The following ITFG1 variants were observed in gnomAD, a reference collection of about 807,000 sequenced individuals.
ITFG1 encodes the protein integrin alpha FG-GAP repeat containing 1.
ITFG1 carries 34 observed loss-of-function variants against 81.8 expected under a neutral mutation model. That is an observed-to-expected ratio of 0.42 (90% CI 0.32 to 0.55). The LOEUF is 0.55. Ranked by LOEUF, ITFG1 falls within the 20% of genes least tolerant of loss-of-function variation. The pLI, the probability that ITFG1 is intolerant of heterozygous loss-of-function variation, is 0.17. For synonymous variants in ITFG1, 285 were observed against 270.6 expected (o/e 1.05, Z -0.52); for missense variants, 672 against 755.4 (o/e 0.89, Z 1.29).
At chr16:47,358,946 C>T (rs975551846) in intron 8 of ITFG1, among the ~76,000 whole-genome samples, 3 of 151,948 alleles carry the variant, frequency 2.0e-5, no homozygotes, top group Non-Finnish European at 4.4e-5. Context: ...GAAAGCAGGG[C>T]GGAAGTGCTG....
intron 6 of ITFG1, among the ~76,000 whole-genome samples, chr16:47,390,704 C>T (rs1968519311): frequency 6.6e-6 from 1 of 152,108 alleles, no homozygotes; most frequent in African/African-American, 2.4e-5. Context: ...AGGTGATCCG[C>T]CCACCTCGGC....
chr16:47,359,208 A>G lies in ITFG1; in HGVS notation c.802+6580T>C, dbSNP rs181937155. 9.8e-5 allele frequency among the ~76,000 whole-genome samples: 15 copies of G among 152,316 alleles called. No homozygotes were observed. In the East Asian group the frequency reaches 2.5e-3, roughly 25 times the overall value. On this transcript the variant is annotated intron_variant, in intron 8 of 17. Transcript: ENST00000320640. ...ACATGCGCTCCTTCATTTATCCATT[A>G]TCTGTCTTCTAAATGGCAGTTAAAC...
At chr16:47,167,100 T>TC (rs756508867) in intron 14 of ITFG1, among the ~76,000 whole-genome samples, 6 of 152,186 alleles carry the variant, frequency 3.9e-5, no homozygotes, top group Admixed American at 1.3e-4. Flanking sequence ...CACCCTGTAC[T>TC]CCCCCAGTAA....
At chr16:47,365,553 T>G (rs1212504980) in intron 8 of ITFG1, 1 of 407,642 alleles carries the variant, frequency 2.5e-6, no homozygotes, top group Non-Finnish European at 4.4e-6. Flanking sequence ...TGCATATTAC[T>G]TCTGCAAACA....
intron 5 of ITFG1, among the ~76,000 whole-genome samples, chr16:47,443,433 A>G (rs1178730304): frequency 6.6e-6 from 1 of 152,212 alleles, no homozygotes; most frequent in Non-Finnish European, 1.5e-5. Context: ...ATGCTGCTAT[A>G]AAGATACATG....
chr16:47,257,084 A>C (rs561097975), intron 12 of ITFG1, among the ~76,000 whole-genome samples: 1 of 152,258 alleles, frequency 6.6e-6, no homozygotes, highest in Admixed American at 6.5e-5. Context: ...TTTCCCCTTA[A>C]CACTGGAAAC....
chr16:47,376,005 G>C, intron 6 of ITFG1, 65 bp from the exon 7 acceptor site: 1 of 807,706 alleles, frequency 1.2e-6, no homozygotes, highest in East Asian at 2.8e-5. Context: ...TTTAAAAACA[G>C]AAAAAAAATG....
At chr16:47,358,612 A>G (rs528451862) in intron 8 of ITFG1, among the ~76,000 whole-genome samples, 1 of 152,364 alleles carries the variant, frequency 6.6e-6, no homozygotes, top group South Asian at 2.1e-4. Context: ...TCTTTATCAT[A>G]TGAATGAATC....
chr16:47,393,366 G>A (rs781464800), intron 6 of ITFG1, among the ~76,000 whole-genome samples: 1 of 152,114 alleles, frequency 6.6e-6, no homozygotes, highest in African/African-American at 2.4e-5. Flanking sequence ...ACTATCCAAG[G>A]GGCTATACTG....
chr16:47,327,153 C>T (rs942081312), intron 8 of ITFG1, among the ~76,000 whole-genome samples: 2 of 152,008 alleles, frequency 1.3e-5, no homozygotes, highest in Non-Finnish European at 2.9e-5. Context: ...CAGAACAGAG[C>T]CCTCAGAAAT....
Position 47,258,725 on chromosome 16 carries a change from C to T in ITFG1, c.1237G>A (p.Val413Ile), listed in dbSNP as rs1280165727. ...TTTGTATATCCTTTACTTAGCACTA[C>T]AATGTCCAAGATTCCCTGGAAAAAA... is the stretch of plus-strand genomic sequence containing the variant. The part of the protein sequence containing the change: ...DIYEDGILDI[V>I]VLSKGYTKND... The change falls in exon 12 of 18, where the codon GTA becomes ATA. Residue 413 changes from valine to isoleucine, a missense_variant. This residue lies in a region of ITFG1 where 560 missense variants were observed against 625.7 expected (regional missense o/e 0.90). Coordinates refer to ENST00000320640, the MANE Select transcript of ITFG1 (RefSeq NM_030790.5). The T allele has an allele frequency of 6.6e-7, 1 of 1,504,108 alleles. No individual in the cohort carries two copies. The highest frequency in any genetic ancestry group is 1.3e-5 in the South Asian group (1 of 79,458). The allele number at this position is 1,504,108 out of a possible 1,614,324, so 93.2% of individuals were successfully genotyped here. A position where few individuals can be genotyped will look rare whatever the true frequency, so the allele number is the denominator to read the frequency against.
chr16:47,234,755 G>A (rs529020406), intron 13 of ITFG1, among the ~76,000 whole-genome samples: 3 of 152,222 alleles, frequency 2.0e-5, no homozygotes, highest in Admixed American at 1.3e-4. Context: ...CATGAATTAG[G>A]GTGATATGGT....
chr16:47,368,352 G>C (rs958088617), intron 7 of ITFG1, among the ~76,000 whole-genome samples: 6 of 150,588 alleles, frequency 4.0e-5, no homozygotes, highest in Non-Finnish European at 7.4e-5. Flanking sequence ...AGGAGATCAA[G>C]ACCAGCCTGG....
intron 7 of ITFG1, among the ~76,000 whole-genome samples, chr16:47,367,202 C>T (rs922953383): frequency 2.6e-5 from 4 of 152,232 alleles, no homozygotes; most frequent in African/African-American, 4.8e-5. Flanking sequence ...CACAGAGCTT[C>T]CATGCCCTCT....
Position 47,435,698 on chromosome 16 carries a change from G to A in ITFG1, c.561-6800C>T, listed in dbSNP as rs536873267. 2.6e-5 allele frequency among the ~76,000 whole-genome samples: 4 copies of A among 152,226 alleles called. No homozygotes were observed. In the South Asian group the frequency reaches 8.3e-4, roughly 32 times the overall value. On this transcript the variant is annotated intron_variant, in intron 5 of 17. Coordinates refer to ENST00000320640, the MANE Select transcript of ITFG1 (RefSeq NM_030790.5). Reference sequence around the variant, plus strand: ...AAAGCAGTTACTAGGAGATGGTTCTGGCATGAAGAAGAATCTACTTCTCCA... The same window carrying A: ...AAAGCAGTTACTAGGAGATGGTTCTAGCATGAAGAAGAATCTACTTCTCCA...
chr16:47,273,295 A>G (rs1966363105), intron 10 of ITFG1, among the ~76,000 whole-genome samples: 1 of 152,150 alleles, frequency 6.6e-6, no homozygotes, highest in African/African-American at 2.4e-5. Flanking sequence ...TACATGGAGA[A>G]GAAAAACAAA....
rs557844812 is a variant in ITFG1, at chr16:47,214,105, A to G, written c.1453+4763T>C. On this transcript the variant is annotated intron_variant, in intron 14 of 17. Transcript: ENST00000320640. The stretch of plus-strand genomic sequence containing the variant: ...TCAGAATTGAATTAAATTATGAGAT[A>G]CCTAGCTTGTGTTGGAGAACAGGTT... Among the ~76,000 whole-genome samples the G allele has an allele frequency of 4.2e-4, 64 of 152,308 alleles. No homozygotes were observed. In the South Asian group the frequency reaches 0.013, roughly 31 times the overall value.
At chr16:47,405,879 C>G (rs1304128788) in intron 6 of ITFG1, among the ~76,000 whole-genome samples, 1 of 152,022 alleles carries the variant, frequency 6.6e-6, no homozygotes, top group East Asian at 1.9e-4. Flanking sequence ...AGTCCTGGTT[C>G]TAATAATAGA....
chr16:47,261,233 G>A (rs1036503049), intron 10 of ITFG1, among the ~76,000 whole-genome samples: 1 of 152,188 alleles, frequency 6.6e-6, no homozygotes, highest in Non-Finnish European at 1.5e-5. Flanking sequence ...AAGTATTTAT[G>A]AGCTTAGATT....
Sources: gnomAD v4.1 joint callset for allele counts (sites outside exome capture counted in the v4.1 genomes callset) on GRCh38, gnomAD v4.1.1 for gene constraint, gnomAD v4.1.1 regional missense constraint, MANE v1.5 for transcripts, NCBI Gene and HGNC (gene_info 2026-07-23, HGNC 2026-07-21) for gene names.